AGMO: variants seen among roughly 807,000 people sequenced by gnomAD.
AGMO encodes the protein glyceryl-ether monooxygenase.
AGMO carries 75 observed loss-of-function variants against 60.2 expected under a neutral mutation model. That is an observed-to-expected ratio of 1.25 (90% CI 1.03 to 1.51). The LOEUF is 1.51. Among genes scored for constraint, AGMO ranks in the 40% most tolerant of loss-of-function variants. The pLI, the probability that AGMO is intolerant of heterozygous loss-of-function variation, is 0.00. For synonymous variants in AGMO, 261 were observed against 177.1 expected, an observed-to-expected ratio of 1.47 and a Z score of -3.76; for missense variants, 763 against 525.5, an observed-to-expected ratio of 1.45 and a Z score of -4.42.
intron 5 of AGMO, among the ~76,000 whole-genome samples, chr7:15,408,597 C>T (rs1304226901): frequency 6.6e-6 from 1 of 151,766 alleles, no homozygotes; most frequent in African/African-American, 2.4e-5. Flanking sequence ...CACATTGGGG[C>T]TCTTCCAAGC....
At chr7:15,277,314 TAAA>T (rs1278184053) in intron 12 of AGMO, among the ~76,000 whole-genome samples, 3 of 70,250 alleles carry the variant, frequency 4.3e-5, no homozygotes, top group African/African-American at 3.9e-4. Flanking sequence ...CAAAAAATAA[TAAA>T]TAAATAAATA....
In AGMO at chr7:15,497,848, T is replaced by C. The variant is rs193123291; in HGVS notation, c.409+46924A>G. On this transcript the variant is annotated intron_variant, in intron 3 of 12. Coordinates refer to ENST00000342526, the MANE Select transcript of AGMO (RefSeq NM_001004320.2). The stretch of plus-strand genomic sequence containing the variant: ...ATAGATTGGGTTGGATAAGCTGAAT[T>C]TGAAGATTTTAGAAGCCTTACTGGG... Among the ~76,000 whole-genome samples, 47 of 152,144 alleles carry C rather than the reference T, an allele frequency of 3.1e-4. No homozygotes were observed. The East Asian group carries it at 6.9e-3, about 22-fold the overall frequency.
intron 4 of AGMO, among the ~76,000 whole-genome samples, chr7:15,424,926 C>A (rs1488771701): frequency 1.3e-5 from 2 of 152,132 alleles, no homozygotes; most frequent in African/African-American, 4.8e-5. Flanking sequence ...AAGTCCAACT[C>A]CCACATATTG....
intron 12 of AGMO, among the ~76,000 whole-genome samples, chr7:15,244,993 G>A (rs893058784): frequency 6.6e-6 from 1 of 152,016 alleles, no homozygotes; most frequent in African/African-American, 2.4e-5. Flanking sequence ...GTAACTAATT[G>A]ACTTAGTATC....
Position 15,291,434 on chromosome 7 carries a change from G to C in AGMO, c.1263+74080C>G, listed in dbSNP as rs529885450. Among the ~76,000 whole-genome samples, 16 of 152,174 alleles carry C rather than the reference G, an allele frequency of 1.1e-4. No homozygotes were observed. The South Asian group carries it at 3.3e-3, about 32-fold the overall frequency. On this transcript the variant is annotated intron_variant, in intron 12 of 12. Transcript: ENST00000342526. ...GTATTTCTAACTTTGCCGGTATAGTGTTCTTCTTAAGTATGACTCAATATT... is the reference window on the plus strand; with the variant it reads ...GTATTTCTAACTTTGCCGGTATAGTCTTCTTCTTAAGTATGACTCAATATT...
intron 12 of AGMO, among the ~76,000 whole-genome samples, chr7:15,360,471 T>C (rs559771595): frequency 6.6e-6 from 1 of 152,202 alleles, no homozygotes; most frequent in Non-Finnish European, 1.5e-5. Flanking sequence ...TATGATACAC[T>C]GTATTCTCAC....
intron 3 of AGMO, among the ~76,000 whole-genome samples, chr7:15,478,759 CAGGTCAGATA>C (rs1782665659): frequency 1.3e-5 from 2 of 152,264 alleles, no homozygotes; most frequent in Admixed American, 1.3e-4. Context: ...AAAGCCTGTT[CAGGTCAGATA>C]AGATCTTAAG....
At chr7:15,355,396 G>C (rs972504510) in intron 12 of AGMO, among the ~76,000 whole-genome samples, 2 of 150,968 alleles carry the variant, frequency 1.3e-5, no homozygotes, top group Non-Finnish European at 2.9e-5. Context: ...CCAGCTACTC[G>C]GGAGGCTGAG....
intron 12 of AGMO, among the ~76,000 whole-genome samples, chr7:15,303,317 T>G (rs1780508058): frequency 6.6e-6 from 1 of 152,180 alleles, no homozygotes; most frequent in South Asian, 2.1e-4. Context: ...TTTTGGCTTA[T>G]TTTTGTATTT....
At chr7:15,545,129 T>C (rs1273354065) in intron 2 of AGMO, among the ~76,000 whole-genome samples, 1 of 152,178 alleles carries the variant, frequency 6.6e-6, no homozygotes, top group Non-Finnish European at 1.5e-5. Context: ...TTTTATTTCA[T>C]AGGCATCATG....
intron 5 of AGMO, chr7:15,396,558 A>G (rs1392481666): frequency 1.3e-5 from 2 of 152,202 alleles, no homozygotes; most frequent in Non-Finnish European, 2.9e-5. Flanking sequence ...ACAACGAGGA[A>G]AAGGACAACA....
chr7:15,184,361 AGG>A, the AGMO span, among the ~76,000 whole-genome samples: 1 of 3,474 alleles, frequency 2.9e-4, no homozygotes, highest in Non-Finnish European at 4.9e-4. Flanking sequence ...GAGGGAGGGA[AGG>A]AAGGGAAGGA....
At chr7:15,135,599 A>T in the AGMO span, among the ~76,000 whole-genome samples, 1 of 152,220 alleles carries the variant, frequency 6.6e-6, no homozygotes, top group African/African-American at 2.4e-5. Context: ...TCATTAATAT[A>T]GTAGTATATC....
chr7:15,467,550 A>C (rs1366184312), intron 3 of AGMO, among the ~76,000 whole-genome samples: 1 of 152,206 alleles, frequency 6.6e-6, no homozygotes, highest in East Asian at 1.9e-4. Flanking sequence ...AAAGGACTAA[A>C]ACTCCACAAA....
intron 3 of AGMO, among the ~76,000 whole-genome samples, chr7:15,524,798 G>A (rs574372118): frequency 3.7e-4 from 55 of 150,010 alleles, no homozygotes; most frequent in Non-Finnish European, 6.5e-4. Flanking sequence ...GGAGGCCAAC[G>A]TTGCAGTGAG....
chr7:15,404,542 T>G (rs1179485323), intron 5 of AGMO, among the ~76,000 whole-genome samples: 2 of 151,916 alleles, frequency 1.3e-5, no homozygotes, highest in African/African-American at 4.8e-5. Context: ...TTCATCCTTA[T>G]GTAACATCAT....
At chr7:15,276,869 C>T (rs1002742627) in intron 12 of AGMO, among the ~76,000 whole-genome samples, 3 of 143,714 alleles carry the variant, frequency 2.1e-5, no homozygotes, top group African/African-American at 7.8e-5. Flanking sequence ...TTTTTCATTT[C>T]CAGAACTCTG....
the AGMO span, among the ~76,000 whole-genome samples, chr7:15,126,151 G>T: frequency 6.6e-6 from 1 of 152,046 alleles, no homozygotes; most frequent in African/African-American, 2.4e-5. Context: ...TTTGAAATGA[G>T]AAGACTTGGG....
chr7:15,171,037 G>A, the AGMO span, among the ~76,000 whole-genome samples: 4 of 152,024 alleles, frequency 2.6e-5, no homozygotes, highest in African/African-American at 7.2e-5. Context: ...GTGCAGTGGC[G>A]TGATCTCAGC....
Sources: gnomAD v4.1 joint callset for allele counts (sites outside exome capture counted in the v4.1 genomes callset) on GRCh38, gnomAD v4.1.1 for gene constraint, MANE v1.5 for transcripts, NCBI Gene and HGNC (gene_info 2026-07-23, HGNC 2026-07-21) for gene names.